The following ARMC2 variants were observed in gnomAD, a reference collection of about 807,000 sequenced individuals.
ARMC2 encodes the protein armadillo repeat-containing protein 2.
A neutral mutation model predicts 90.3 loss-of-function variants in ARMC2; 67 were observed. That is an observed-to-expected ratio of 0.74 (90% confidence interval 0.61 to 0.91). The LOEUF (loss-of-function observed/expected upper bound fraction) is 0.91. ARMC2 is among the 40% of genes least tolerant of loss of function. ARMC2 has a pLI of 0.00. For missense variants in ARMC2, 920 were observed against 1,030.9 expected, an observed-to-expected ratio of 0.89 and a Z score of 1.47; for synonymous variants, 393 against 393.0, an observed-to-expected ratio of 1.00 and a Z score of 0.00.
At chr6:108,990,325 T>C in the ARMC2 span, among the ~76,000 whole-genome samples, 1 of 152,224 alleles carries the variant, frequency 6.6e-6, no homozygotes, top group African/African-American at 2.4e-5. Flanking sequence ...AGATAGATTA[T>C]ATGAAGAGAA....
the ARMC2 span, among the ~76,000 whole-genome samples, chr6:108,980,343 G>T: frequency 6.6e-6 from 1 of 152,146 alleles, no homozygotes; most frequent in African/African-American, 2.4e-5. Context: ...AAATATTGCT[G>T]CCTATTCCTT....
chr6:108,886,969 G>A (rs940909316), intron 5 of ARMC2, among the ~76,000 whole-genome samples: 2 of 151,338 alleles, frequency 1.3e-5, no homozygotes, highest in Non-Finnish European at 1.5e-5. Context: ...GGTGTGTGGT[G>A]TGATCTTGGC....
the ARMC2 span, among the ~76,000 whole-genome samples, chr6:109,025,169 C>A: frequency 1.3e-5 from 2 of 151,844 alleles, no homozygotes; most frequent in African/African-American, 4.8e-5. Context: ...GAAAAACACC[C>A]CATTTACAAA....
chr6:108,881,573 T>C (rs1777588931), intron 5 of ARMC2, among the ~76,000 whole-genome samples: 1 of 152,176 alleles, frequency 6.6e-6, no homozygotes, highest in Non-Finnish European at 1.5e-5. Flanking sequence ...TCTAACGATG[T>C]AGGCAGGCTG....
chr6:108,923,875 CCT>C (rs1002591646), intron 10 of ARMC2, among the ~76,000 whole-genome samples: 3 of 152,098 alleles, frequency 2.0e-5, no homozygotes, highest in African/African-American at 7.2e-5. Context: ...AAGGGAAAAA[CCT>C]CTCTTTTGTC....
chr6:108,978,944 A>G (rs1353183140), downstream of ARMC2, among the ~76,000 whole-genome samples: 5 of 151,976 alleles, frequency 3.3e-5, no homozygotes, highest in African/African-American at 1.2e-4. Flanking sequence ...TCTTGACTCT[A>G]TATCCAATTT....
intron 17 of ARMC2, among the ~76,000 whole-genome samples, chr6:108,971,688 A>G (rs1010699621): frequency 5.9e-5 from 9 of 152,082 alleles, no homozygotes; most frequent in Admixed American, 3.3e-4. Flanking sequence ...TTGGGAGGCC[A>G]AGGCAGGCGG....
chr6:108,872,035 A>G (rs1158127868), intron 4 of ARMC2, among the ~76,000 whole-genome samples: 1 of 152,232 alleles, frequency 6.6e-6, no homozygotes, highest in Non-Finnish European at 1.5e-5. Context: ...TGTCATTTGT[A>G]TAAGAGCTCC....
intron 3 of ARMC2, among the ~76,000 whole-genome samples, chr6:108,860,007 A>C (rs866405166): frequency 0.012 from 1,738 of 148,290 alleles, 31 homozygotes; most frequent in African/African-American, 0.041. Context: ...TCTGTCTTAA[A>C]AAAAAAAAAA....
chr6:109,041,970 T>G, the ARMC2 span, among the ~76,000 whole-genome samples: 2 of 152,078 alleles, frequency 1.3e-5, no homozygotes, highest in African/African-American at 4.8e-5. Flanking sequence ...TGAATATATT[T>G]AAAAGAATGA....
intron 8 of ARMC2, chr6:108,907,674 C>T (rs1383698548): frequency 8.1e-6 from 13 of 1,604,782 alleles, no homozygotes; most frequent in African/African-American, 4.0e-5. Flanking sequence ...CTGAAGAGCA[C>T]GTAGCATGCC....
At chr6:108,990,510 A>G in the ARMC2 span, 1 of 781,998 alleles carries the variant, frequency 1.3e-6, no homozygotes, top group African/African-American at 1.8e-5. Flanking sequence ...TGAAGCATAA[A>G]TAGCATAAAA....
intron 17 of ARMC2, among the ~76,000 whole-genome samples, chr6:108,971,574 A>G (rs1157155784): frequency 2.0e-5 from 3 of 152,078 alleles, no homozygotes; most frequent in South Asian, 2.1e-4. Flanking sequence ...AGAAAATCTG[A>G]TATCAACAGA....
chr6:108,928,273 T>G (rs1198578775), intron 11 of ARMC2, 40 bp downstream of exon 11: 3 of 1,416,874 alleles, frequency 2.1e-6, no homozygotes, highest in Non-Finnish European at 2.8e-6. Flanking sequence ...ACAAAAATGC[T>G]AATGCTTAGA....
At chr6:109,043,310 T>TA in the ARMC2 span, among the ~76,000 whole-genome samples, 1 of 152,172 alleles carries the variant, frequency 6.6e-6, no homozygotes, top group South Asian at 2.1e-4. Context: ...TCACCACTCT[T>TA]ACACAACATA....
chr6:108,862,635 G>A (rs1205643869), intron 3 of ARMC2, among the ~76,000 whole-genome samples: 1 of 151,926 alleles, frequency 6.6e-6, no homozygotes, highest in African/African-American at 2.4e-5. Context: ...CCACTAAATT[G>A]GCAAAGGGCA....
chr6:108,996,352 T>C, the ARMC2 span, among the ~76,000 whole-genome samples: 1 of 152,204 alleles, frequency 6.6e-6, no homozygotes, highest in Non-Finnish European at 1.5e-5. Flanking sequence ...TTGTGGTGCA[T>C]GCATGCATTT....
At chr6:108,994,706 T>C in the ARMC2 span, 1 of 1,109,628 alleles carries the variant, frequency 9.0e-7, no homozygotes, top group Non-Finnish European at 1.2e-6. Flanking sequence ...ATCTTTTTTT[T>C]TTTTTTTTTT....
chr6:109,020,372 A>G, the ARMC2 span, among the ~76,000 whole-genome samples: 1 of 152,220 alleles, frequency 6.6e-6, no homozygotes, highest in Non-Finnish European at 1.5e-5. Context: ...TCAAGTTACC[A>G]TTAAAATAAT....
Sources: gnomAD v4.1 joint callset for allele counts (sites outside exome capture counted in the v4.1 genomes callset) on GRCh38, gnomAD v4.1.1 for gene constraint, MANE v1.5 for transcripts, NCBI Gene and HGNC (gene_info 2026-07-23, HGNC 2026-07-21) for gene names.